Variants in CCT6B observed in about 807,000 individuals in gnomAD.
CCT6B encodes chaperonin containing TCP1 subunit 6B.
In CCT6B, 49 loss-of-function variants were observed where a neutral mutation model predicts 61.5. The ratio of observed to expected loss-of-function variants is 0.80; its 90% confidence interval spans 0.63 to 1.01. The LOEUF is 1.01. Ranked by LOEUF, CCT6B falls within the 50% of genes least tolerant of loss-of-function variation. The probability of loss-of-function intolerance (pLI) is 0.00; values close to 1 mark genes in which losing one functional copy is unlikely to be tolerated. For missense variants in CCT6B, 666 were observed against 634.7 expected (o/e 1.05, Z -0.53); for synonymous variants, 228 against 214.5 (o/e 1.06, Z -0.55).
At chr17:34,939,950 G>A (rs950132562) in intron 8 of CCT6B, among the ~76,000 whole-genome samples, 1 of 151,924 alleles carries the variant, frequency 6.6e-6, no homozygotes. Context: ...GCCTATGTGA[G>A]GCTTGATTTA....
chr17:34,937,454 G>A (rs544024419), intron 10 of CCT6B, among the ~76,000 whole-genome samples: 3 of 152,198 alleles, frequency 2.0e-5, no homozygotes, highest in African/African-American at 7.2e-5. Flanking sequence ...CACGAGAAAA[G>A]GCAATTCGGT....
At chr17:34,948,230 C>T (rs1239111716) in intron 5 of CCT6B, among the ~76,000 whole-genome samples, 1 of 152,002 alleles carries the variant, frequency 6.6e-6, no homozygotes, top group Non-Finnish European at 1.5e-5. Flanking sequence ...CCCCAAAGTC[C>T]ACTGTTAAGA....
intron 1 of CCT6B, among the ~76,000 whole-genome samples, chr17:34,959,944 C>T (rs1216485399): frequency 6.6e-6 from 1 of 152,168 alleles, no homozygotes; most frequent in East Asian, 1.9e-4. Flanking sequence ...AGCACAAATT[C>T]GCAAATTTCC....
In CCT6B at chr17:34,961,440, T is replaced by C; in HGVS notation, c.-47A>G. 6.4e-7 allele frequency: 1 copy of C among 1,563,730 alleles called. No homozygotes were observed. The highest frequency in any genetic ancestry group is 8.6e-7 in the Non-Finnish European group (1 of 1,159,594). On this transcript the variant is annotated 5_prime_UTR_variant, in exon 1 of 14. Coordinates refer to ENST00000314144, the MANE Select transcript of CCT6B (RefSeq NM_006584.4). ...AAAAAAAAAAAGCCTTAGTCGCGAT[T>C]CTGAGCAAAAACGGCAATGCGACGC... is the stretch of plus-strand genomic sequence containing the variant.
At chr17:34,946,080 T>C (rs766437204) in intron 5 of CCT6B, among the ~76,000 whole-genome samples, 1 of 152,222 alleles carries the variant, frequency 6.6e-6, no homozygotes, top group African/African-American at 2.4e-5. Context: ...CTCAGGATTA[T>C]CCAGAAGGAA....
At chr17:34,953,376 G>A (rs1243967551) in intron 4 of CCT6B, among the ~76,000 whole-genome samples, 7 of 148,234 alleles carry the variant, frequency 4.7e-5, no homozygotes, top group African/African-American at 1.2e-4. Context: ...TGTCACCCAG[G>A]CTAGAGTGCA....
intron 10 of CCT6B, among the ~76,000 whole-genome samples, chr17:34,933,321 G>A (rs2090057818): frequency 6.6e-6 from 1 of 152,078 alleles, no homozygotes; most frequent in African/African-American, 2.4e-5. Context: ...TTTCACATCA[G>A]GATATCACTT....
At chr17:34,947,025 C>T (rs1281563832) in intron 5 of CCT6B, among the ~76,000 whole-genome samples, 1 of 152,140 alleles carries the variant, frequency 6.6e-6, no homozygotes, top group African/African-American at 2.4e-5. Context: ...GTGTGTGTTA[C>T]ACTTCATTAG....
chr17:34,958,304 C>A (rs986609571), intron 3 of CCT6B, among the ~76,000 whole-genome samples: 2 of 152,082 alleles, frequency 1.3e-5, no homozygotes, highest in African/African-American at 4.8e-5. Context: ...ATTAGCCAGG[C>A]ATGATGGCGC....
At position 34,942,286 on chromosome 17, in the gene CCT6B, C is replaced by T. The variant is rs570420614; in HGVS notation, c.885+198G>A. On this transcript the variant is annotated intron_variant, in intron 7 of 13. Transcript: ENST00000314144. ...TCTTTGACTTGTACTAAGGTGCCAG[C>T]AGTTTTACAGATTGCTTTTGCAGCA... Among the ~76,000 whole-genome samples the T allele has an allele frequency of 3.5e-3, 525 of 151,822 alleles. 5 individuals carry two copies. The highest frequency in any genetic ancestry group is 0.012 in the African/African-American group (509 of 41,378).
chr17:34,953,093 A>G (rs1269852768), intron 4 of CCT6B, among the ~76,000 whole-genome samples: 1 of 152,100 alleles, frequency 6.6e-6, no homozygotes, highest in Non-Finnish European at 1.5e-5. Flanking sequence ...CAAGTATTCC[A>G]GTACATTTGG....
intron 10 of CCT6B, among the ~76,000 whole-genome samples, chr17:34,933,560 G>A (rs1282188317): frequency 5.9e-5 from 9 of 152,010 alleles, no homozygotes; most frequent in African/African-American, 2.2e-4. Flanking sequence ...AAAGTTCCTT[G>A]TTAAATACAG....
At chr17:34,955,052 A>G (rs1160317993) in intron 3 of CCT6B, among the ~76,000 whole-genome samples, 1 of 152,226 alleles carries the variant, frequency 6.6e-6, no homozygotes, top group Non-Finnish European at 1.5e-5. Context: ...GTAGAACACA[A>G]CAGTTCTATG....
intron 3 of CCT6B, among the ~76,000 whole-genome samples, chr17:34,955,962 T>C (rs554034494): frequency 6.6e-6 from 1 of 152,300 alleles, no homozygotes; most frequent in African/African-American, 2.4e-5. Context: ...TTTTCAAAAA[T>C]GTCTTCAAGC....
In CCT6B at chr17:34,928,027, G is replaced by T. The variant is rs949673383; in HGVS notation, c.*21C>A. ...TGTACTAAATTTCATCTTCTAGAAG[G>T]GTTGATTTTGAATTCAATCATCATT... is the stretch of plus-strand genomic sequence containing the variant. On this transcript the variant is annotated 3_prime_UTR_variant, in exon 14 of 14. Transcript: ENST00000314144. 1.9e-6 allele frequency: 3 copies of T among 1,572,166 alleles called. No individual in the cohort carries two copies. The African/African-American group carries it at 4.1e-5, about 21-fold the overall frequency.
intron 5 of CCT6B, among the ~76,000 whole-genome samples, chr17:34,944,843 G>C (rs1456764865): frequency 6.6e-6 from 1 of 152,202 alleles, no homozygotes; most frequent in Non-Finnish European, 1.5e-5. Flanking sequence ...GGAGAATGGC[G>C]TAAGCCCAGA....
chr17:34,960,184 G>A lies in CCT6B; in HGVS notation c.138-534C>T, dbSNP rs771750045. ...CACATTTTTCTTTCTAAAAGGCAAC[G>A]TGATTCAGTCAGTTCCCTGATCAAA... On this transcript the variant is annotated intron_variant, in intron 1 of 13. Coordinates refer to ENST00000314144, the MANE Select transcript of CCT6B (RefSeq NM_006584.4). 5.3e-5 allele frequency among the ~76,000 whole-genome samples: 8 copies of A among 152,234 alleles called. No homozygotes were observed. The East Asian group carries it at 9.6e-4, about 18-fold the overall frequency.
chr17:34,958,101 A>T (rs1004276273), intron 3 of CCT6B, among the ~76,000 whole-genome samples: 1 of 152,230 alleles, frequency 6.6e-6, no homozygotes, highest in Non-Finnish European at 1.5e-5. Context: ...TGGCCAACAA[A>T]GTTCATTATT....
At chr17:34,960,601 A>G (rs1361525654) in intron 1 of CCT6B, among the ~76,000 whole-genome samples, 1 of 152,218 alleles carries the variant, frequency 6.6e-6, no homozygotes, top group African/African-American at 2.4e-5. Flanking sequence ...TTAAGAACAG[A>G]AACCGTTATC....
Sources: allele counts gnomAD v4.1 joint callset (sites outside exome capture counted in the v4.1 genomes callset), GRCh38; gene constraint gnomAD v4.1.1; transcripts MANE v1.5; gene names NCBI Gene and HGNC (gene_info 2026-07-23, HGNC 2026-07-21).